ABI3BP: variants seen among roughly 807,000 people sequenced by gnomAD.
ABI3BP encodes ABI family member 3 binding protein.
In ABI3BP, 216 loss-of-function variants were observed where a neutral mutation model predicts 268.6. The ratio of observed to expected loss-of-function variants is 0.80; its 90% CI spans 0.72 to 0.90. The LOEUF is 0.90. ABI3BP is among the 40% of genes least tolerant of loss of function. ABI3BP has a pLI of 0.00. For missense variants in ABI3BP, 2,090 were observed against 2,182.4 expected (o/e 0.96, Z 0.84); for synonymous variants, 730 against 730.0 (o/e 1.00, Z 0.00).
At chr3:100,934,553 A>G (rs1204987756) in intron 1 of ABI3BP, among the ~76,000 whole-genome samples, 1 of 152,120 alleles carries the variant, frequency 6.6e-6, no homozygotes, top group Non-Finnish European at 1.5e-5. Flanking sequence ...TTGAGGAATC[A>G]CCACACTGTC....
intron 32 of ABI3BP, among the ~76,000 whole-genome samples, chr3:100,830,105 AC>A (rs2098459578): frequency 1.3e-5 from 1 of 76,872 alleles, no homozygotes. Flanking sequence ...ATACATACAT[AC>A]ATACATATAT....
At chr3:100,884,657 G>T (rs1355658600) in intron 6 of ABI3BP, among the ~76,000 whole-genome samples, 4 of 151,934 alleles carry the variant, frequency 2.6e-5, no homozygotes, top group Admixed American at 1.3e-4. Context: ...CACACCTCAA[G>T]CACACATCTC....
rs549630297 is a variant in ABI3BP at position 100,749,477 on chromosome 3, T to G, written c.*1018A>C. ...AATGACTGCAACAGTGCAGCAAGGA[T>G]TCCCATTCCCCGCCTAAAGGACAAT... On this transcript the variant is annotated 3_prime_UTR_variant, in exon 68 of 68. Coordinates refer to ENST00000471714, the MANE Select transcript of ABI3BP (RefSeq NM_001375547.2). 299 of 394,776 alleles carry G rather than the reference T, an allele frequency of 7.6e-4. No homozygotes were observed. Among genetic ancestry groups the G allele is most frequent in the Non-Finnish European group, 1.1e-3 (257 of 223,682 alleles). 24.5% of individuals were successfully genotyped at this position (394,776 alleles called of 1,614,324 possible).
At chr3:100,967,481 G>C (rs1204439905) in intron 1 of ABI3BP, among the ~76,000 whole-genome samples, 2 of 146,618 alleles carry the variant, frequency 1.4e-5, no homozygotes, top group Non-Finnish European at 3.0e-5. Context: ...TCTAGCCTGG[G>C]TGACAGAGTG....
Position 100,851,928 on chromosome 3 carries a change from A to G in ABI3BP, c.1298T>C (p.Val433Ala), listed in dbSNP as rs1560826802. The change falls in exon 15 of 68, where the codon GTT (valine) becomes GCT (alanine). Residue 433 changes from valine to alanine, a missense_variant. Transcript: ENST00000471714. ...ATCTGATGTTGTAGGGCTTGAGAAA[A>G]CATCATAAGTTGCTTAAAAAAAAAA... ...VLQPQTATYD[V>A]FSSPTTSDEP... 1.9e-6 allele frequency: 3 copies of G among 1,571,344 alleles called. No individual in the cohort carries two copies. The highest frequency in any genetic ancestry group is 2.6e-6 in the Non-Finnish European group (3 of 1,159,618).
intron 63 of ABI3BP, among the ~76,000 whole-genome samples, chr3:100,761,536 G>A (rs1051876413): frequency 6.6e-6 from 1 of 152,084 alleles, no homozygotes; most frequent in African/African-American, 2.4e-5. Context: ...TAGCAAAACA[G>A]CTGCTGGATG....
At chr3:100,895,007 GAA>G (rs1309507421) in intron 4 of ABI3BP, among the ~76,000 whole-genome samples, 1 of 131,580 alleles carries the variant, frequency 7.6e-6, no homozygotes, top group Non-Finnish European at 1.6e-5. Flanking sequence ...TAGAAAATGC[GAA>G]AGTGATTTCT....
chr3:100,806,408 C>T (rs1311959807), intron 50 of ABI3BP, among the ~76,000 whole-genome samples: 1 of 152,044 alleles, frequency 6.6e-6, no homozygotes, highest in Non-Finnish European at 1.5e-5. Flanking sequence ...TAGGATTCAA[C>T]TATTTGTCTT....
At chr3:100,828,721 A>T (rs1268064737) in intron 33 of ABI3BP, among the ~76,000 whole-genome samples, 1 of 152,068 alleles carries the variant, frequency 6.6e-6, no homozygotes, top group African/African-American at 2.4e-5. Flanking sequence ...TTCTTTGGTG[A>T]TCTGAACCTA....
intron 1 of ABI3BP, among the ~76,000 whole-genome samples, chr3:100,967,384 A>T (rs1008068460): frequency 2.0e-5 from 3 of 151,702 alleles, no homozygotes; most frequent in Non-Finnish European, 4.4e-5. Flanking sequence ...GGCCCCTGTT[A>T]TCCCAGCTAC....
At chr3:100,905,536 CTT>C (rs55907993) in intron 2 of ABI3BP, among the ~76,000 whole-genome samples, 9 of 149,826 alleles carry the variant, frequency 6.0e-5, no homozygotes, top group African/African-American at 7.3e-5. Flanking sequence ...ACTCTTAGTT[CTT>C]TTTTTTTTTC....
chr3:100,845,515 C>A (rs2098756232), intron 20 of ABI3BP, among the ~76,000 whole-genome samples: 2 of 152,150 alleles, frequency 1.3e-5, no homozygotes, highest in African/African-American at 2.4e-5. Flanking sequence ...ATAAATCATA[C>A]CCACTTTAGC....
At chr3:100,902,748 A>G (rs1021187282) in intron 2 of ABI3BP, 62 bp from the exon 3 acceptor site, 17 of 1,365,678 alleles carry the variant, frequency 1.2e-5, no homozygotes, top group Admixed American at 1.8e-5. Context: ...GAGGCAGCAC[A>G]CCCCTACCCT....
chr3:100,818,470 G>T, intron 41 of ABI3BP, 55 bp downstream of exon 41: 1 of 1,374,600 alleles, frequency 7.3e-7, no homozygotes, highest in Non-Finnish European at 1.0e-6. Flanking sequence ...ACTGACTACA[G>T]TGGTATGACA....
chr3:100,960,610 G>A (rs1452042821), intron 1 of ABI3BP, among the ~76,000 whole-genome samples: 1 of 152,154 alleles, frequency 6.6e-6, no homozygotes, highest in African/African-American at 2.4e-5. Context: ...TAAAAGCAGA[G>A]AACTTTCTCT....
chr3:100,991,376 T>G (rs2092889358), intron 1 of ABI3BP, among the ~76,000 whole-genome samples: 1 of 152,228 alleles, frequency 6.6e-6, no homozygotes, highest in African/African-American at 2.4e-5. Flanking sequence ...ATTATAGATC[T>G]TCTATGGAAA....
At chr3:100,770,460 GCTT>G (rs1320624021) in intron 62 of ABI3BP, among the ~76,000 whole-genome samples, 16 of 152,274 alleles carry the variant, frequency 1.1e-4, no homozygotes, top group Admixed American at 3.9e-4. Flanking sequence ...TGAAAGACTA[GCTT>G]CTTCTTCATT....
intron 14 of ABI3BP, among the ~76,000 whole-genome samples, chr3:100,858,130 C>A (rs2098959331): frequency 6.6e-6 from 1 of 152,202 alleles, no homozygotes. Flanking sequence ...GTGTGGTCAA[C>A]TTCCTCTAGA....
intron 44 of ABI3BP, among the ~76,000 whole-genome samples, chr3:100,814,614 T>C (rs1364985160): frequency 1.3e-5 from 2 of 152,150 alleles, no homozygotes; most frequent in Non-Finnish European, 2.9e-5. Context: ...AAGAAAACCT[T>C]AGGGTTTCTT....
Sources: gnomAD v4.1 joint callset for allele counts (sites outside exome capture counted in the v4.1 genomes callset) on GRCh38, gnomAD v4.1.1 for gene constraint, MANE v1.5 for transcripts, NCBI Gene and HGNC (gene_info 2026-07-23, HGNC 2026-07-21) for gene names.